The following EPHB3 variants were observed in gnomAD, a reference collection of about 807,000 sequenced individuals.
The protein encoded by EPHB3 is EPH receptor B3.
A neutral mutation model predicts 100.2 loss-of-function variants in EPHB3; 33 were observed. The ratio of observed to expected loss-of-function variants is 0.33; its 90% CI spans 0.25 to 0.44. The LOEUF is 0.44. EPHB3 is among the 20% of genes least tolerant of loss of function. The pLI, the probability that EPHB3 is intolerant of heterozygous loss-of-function variation, is 1.00. For missense variants in EPHB3, 1,045 were observed against 1,378.3 expected, an observed-to-expected ratio of 0.76 and a Z score of 3.83; for synonymous variants, 526 against 554.7, an observed-to-expected ratio of 0.95 and a Z score of 0.73.
chr3:184,581,410 T>A lies in EPHB3; in HGVS notation c.2888+2T>A. 1 of 1,582,984 alleles carries A rather than the reference T, an allele frequency of 6.3e-7. No homozygotes were observed. The highest frequency in any genetic ancestry group is 8.6e-7 in the Non-Finnish European group (1 of 1,163,374). On this transcript the variant is annotated splice_donor_variant, in intron 15 of 15. Coordinates refer to ENST00000330394, the MANE Select transcript of EPHB3 (RefSeq NM_004443.4). LOFTEE classifies it high-confidence loss of function. ...CCTGGTGGCCCAGATGACGGCAGAG[T>A]AAGTGTGCCTCAGATTTGGAGGAGC...
chr3:184,572,879 G>T lies in EPHB3; in HGVS notation c.559G>T (p.Ala187Ser), dbSNP rs759675909. The T allele has an allele frequency of 6.4e-7, 1 of 1,560,982 alleles. No individual in the cohort carries two copies. The highest frequency in any genetic ancestry group is 8.7e-7 in the Non-Finnish European group (1 of 1,154,102). The change falls in exon 3 of 16, where the codon GCT becomes TCT. Residue 187 changes from alanine (A) to serine (S), a missense_variant. Coordinates refer to ENST00000330394, the MANE Select transcript of EPHB3 (RefSeq NM_004443.4). The surrounding 1 kb of genome is among the most constrained non-coding windows in gnomAD (Gnocchi z 6.6). ...KVRSFGPLSK[A>S]GFYLAFQDQG... ...GCGCAGCTTTGGGCCACTTTCCAAG[G>T]CTGGCTTCTACCTGGCCTTCCAGGA...
rs1714297021 is a variant in EPHB3, at chr3:184,563,018, A to T, written c.118+665A>T. On this transcript the variant is annotated intron_variant, in intron 1 of 15. Transcript: ENST00000330394. This position sits in a 1 kb window ranked among gnomAD's most constrained non-coding sequence, Gnocchi z 4.1. ...CCCCTGAAGTTGCGGGATTTGCCCC[A>T]GGTAGCAGCAGAGCCCGGCGCCTTC... Among the ~76,000 whole-genome samples the T allele has an allele frequency of 6.6e-6, 1 of 152,218 alleles. No homozygotes were observed.
At position 184,581,537 on chromosome 3, in the gene EPHB3, C is replaced by A; in HGVS notation, c.2912C>A (p.Thr971Asn). 1 of 1,613,870 alleles carries A rather than the reference C, an allele frequency of 6.2e-7. No homozygotes were observed. The highest frequency in any genetic ancestry group is 8.5e-7 in the Non-Finnish European group (1 of 1,179,912). ...AGAGACCTGCTCCGTATTGGGGTCA[C>A]CCTGGCCGGCCACCAGAAGAAGATC... ...TAEDLLRIGV[T>N]LAGHQKKILS... The change falls in exon 16 of 16, where the codon ACC becomes AAC. Residue 971 changes from threonine to asparagine, a missense_variant. This residue lies in a region of EPHB3 where 985 missense variants were observed against 1,331.1 expected (regional missense o/e 0.74). Transcript: ENST00000330394.
intron 1 of EPHB3, among the ~76,000 whole-genome samples, chr3:184,570,568 G>A (rs1488499075): frequency 2.6e-5 from 4 of 152,246 alleles, no homozygotes; most frequent in Non-Finnish European, 5.9e-5. Context: ...TGCTGCGTGG[G>A]AGCTGGCTCT....
At position 184,576,872 on chromosome 3, in the gene EPHB3, C is replaced by G; in HGVS notation, c.1043C>G (p.Ser348Cys). The G allele has an allele frequency of 1.3e-6, 2 of 1,557,434 alleles. No individual in the cohort carries two copies. Among genetic ancestry groups the G allele is most frequent in the South Asian group, 2.5e-5 (2 of 81,344 alleles). The change falls in exon 5 of 16, where the codon TCC becomes TGC. Residue 348 changes from serine to cysteine, a missense_variant. Ser to Cys is a moderately radical substitution (Grantham distance 112). This residue lies in a region of EPHB3 where 985 missense variants were observed against 1,331.1 expected (regional missense o/e 0.74). Coordinates refer to ENST00000330394, the MANE Select transcript of EPHB3 (RefSeq NM_004443.4). ...CCATCTCCACCCCGAGGTGTGATCT[C>G]CAATGTGAATGAAACCTCACTGATC... The part of the protein sequence containing the change: ...TVPSPPRGVI[S>C]NVNETSLILE...
rs776518476 is a variant in EPHB3, at chr3:184,562,342, G to C, written c.107G>C (p.Arg36Pro). Reference sequence around the variant, plus strand: ...CTGCTGCTGCTGCCCGCCGGCTGCCGGGCGCTGGAAGGTGAGCGGCGTCGG... The same window carrying C: ...CTGCTGCTGCTGCCCGCCGGCTGCCCGGCGCTGGAAGGTGAGCGGCGTCGG... ...LPLLLLPAGC[R>P]ALEETLMDTK... The change falls in exon 1 of 16, where the codon CGG becomes CCG. Residue 36 changes from arginine (R) to proline (P), a missense_variant. Transcript: ENST00000330394. This position sits in a 1 kb window ranked among gnomAD's most constrained non-coding sequence, Gnocchi z 4.8. 4.4e-5 allele frequency: 54 copies of C among 1,237,130 alleles called. No homozygotes were observed. Among genetic ancestry groups the C allele is most frequent in the Non-Finnish European group, 5.2e-5 (52 of 991,352 alleles). The allele number at this position is 1,237,130 out of a possible 1,614,324, so 76.6% of individuals were successfully genotyped here.
intron 1 of EPHB3, among the ~76,000 whole-genome samples, chr3:184,566,497 C>T (rs1714388796): frequency 6.6e-6 from 1 of 152,234 alleles, no homozygotes; most frequent in Non-Finnish European, 1.5e-5. Context: ...CATGCATCTT[C>T]TCCAGTCCCA....
Position 184,569,693 on chromosome 3 carries a change from C to T in EPHB3, c.119-1625C>T, listed in dbSNP as rs1714493911. ...TGCTGCCTGCAGCCCCTTTGCCTGACATGGCGGGGGGCTGGGGTCACAGCT... is the reference window on the plus strand; with the variant it reads ...TGCTGCCTGCAGCCCCTTTGCCTGATATGGCGGGGGGCTGGGGTCACAGCT... On this transcript the variant is annotated intron_variant, in intron 1 of 15. Coordinates refer to ENST00000330394, the MANE Select transcript of EPHB3 (RefSeq NM_004443.4). This position sits in a 1 kb window ranked among gnomAD's most constrained non-coding sequence, Gnocchi z 5.4. 6.6e-6 allele frequency among the ~76,000 whole-genome samples: 1 copy of T among 152,262 alleles called. No homozygotes were observed. The highest frequency in any genetic ancestry group is 2.1e-4 in the South Asian group (1 of 4,836).
rs1256715336 is a variant in EPHB3 at position 184,576,895 on chromosome 3, A to G, written c.1066A>G (p.Ile356Val). The G allele has an allele frequency of 1.9e-6, 3 of 1,576,404 alleles. No homozygotes were observed. The highest frequency in any genetic ancestry group is 2.6e-6 in the Non-Finnish European group (3 of 1,158,234). The change falls in exon 5 of 16, where the codon ATC (isoleucine) becomes GTC (valine). Residue 356 changes from isoleucine (I) to valine (V), a missense_variant. This residue lies in a region of EPHB3 where 985 missense variants were observed against 1,331.1 expected (regional missense o/e 0.74). Coordinates refer to ENST00000330394, the MANE Select transcript of EPHB3 (RefSeq NM_004443.4). ...CTCCAATGTGAATGAAACCTCACTG[A>G]TCCTCGAGTGGAGTGAGCCCCGGGA... is the stretch of plus-strand genomic sequence containing the variant. ...VISNVNETSLILEWSEPRDLG... is the reference protein window; with the variant it reads ...VISNVNETSLVLEWSEPRDLG...
Position 184,575,936 on chromosome 3 carries a change from CAATAACTT to C in EPHB3, c.964_971del (p.Asn322LeufsTer28). ...CAGCCGCCAGCATCTGCACCTGCCA[CAATAACTT>C]CTACCGTGCAGACTCGGACTCTGCG... On this transcript the variant is annotated frameshift_variant, in exon 4 of 16. Coordinates refer to ENST00000330394, the MANE Select transcript of EPHB3 (RefSeq NM_004443.4). LOFTEE classifies it high-confidence loss of function. 6.2e-7 allele frequency: 1 copy of C among 1,613,974 alleles called. No homozygotes were observed. Among genetic ancestry groups the C allele is most frequent in the South Asian group, 1.1e-5 (1 of 91,066 alleles).
At chr3:184,575,417 T>C (rs1714648932) in intron 3 of EPHB3, among the ~76,000 whole-genome samples, 1 of 152,204 alleles carries the variant, frequency 6.6e-6, no homozygotes. Flanking sequence ...TCCTCAGGAA[T>C]GATTTTTCTG....
In EPHB3 at chr3:184,580,015, C is replaced by T. The variant is rs79580589; in HGVS notation, c.2172+81C>T. On this transcript the variant is annotated intron_variant, in intron 11 of 15. Transcript: ENST00000330394. ...CATCCCCTCCCACAAGTCAGACAGC[C>T]CCTATTCAAGTCCATAAGCATTTAC... is the stretch of plus-strand genomic sequence containing the variant. 2,417 of 1,548,772 alleles carry T rather than the reference C, an allele frequency of 1.6e-3. 37 individuals are homozygous for T. In the African/African-American group the frequency reaches 0.03, roughly 19 times the overall value.
In EPHB3 at chr3:184,569,329, G is replaced by A. The variant is rs1053875706; in HGVS notation, c.119-1989G>A. 6.6e-6 allele frequency among the ~76,000 whole-genome samples: 1 copy of A among 152,086 alleles called. No homozygotes were observed. The highest frequency in any genetic ancestry group is 1.9e-4 in the East Asian group (1 of 5,150). On this transcript the variant is annotated intron_variant, in intron 1 of 15. Transcript: ENST00000330394. The surrounding 1 kb of genome is among the most constrained non-coding windows in gnomAD (Gnocchi z 5.4). ...CCTCCCTCTGTCCCTGTCTCCTCGG[G>A]CCTCCGCGTCTCTCGGTCTCCCTGT...
chr3:184,575,797 G>A (rs749795717), intron 3 of EPHB3, 33 bp from the exon 4 acceptor site: 18 of 1,557,458 alleles, frequency 1.2e-5, no homozygotes, highest in South Asian at 3.7e-5. Flanking sequence ...AGGGAAGGGA[G>A]GTGAGCCCCA....
In EPHB3 at chr3:184,572,249, A is replaced by G. The variant is rs980893479; in HGVS notation, c.184-255A>G. Among the ~76,000 whole-genome samples, 1 of 152,242 alleles carries G rather than the reference A, an allele frequency of 6.6e-6. No homozygotes were observed. The highest frequency in any genetic ancestry group is 1.5e-5 in the Non-Finnish European group (1 of 68,040). On this transcript the variant is annotated intron_variant, in intron 2 of 15. Transcript: ENST00000330394. The surrounding 1 kb of genome is among the most constrained non-coding windows in gnomAD (Gnocchi z 6.6). Reference sequence around the variant, plus strand: ...CCTGTCCTAAATGCTTTATTCAGTTAAAGTCATTATTCCTTACACATCTTT... The same window carrying G: ...CCTGTCCTAAATGCTTTATTCAGTTGAAGTCATTATTCCTTACACATCTTT...
In EPHB3 at chr3:184,580,819, G is replaced by T; in HGVS notation, c.2479G>T (p.Val827Phe). ...TAGTGATGTCTGGAGCTACGGAATT[G>T]TCATGTGGGAGGTCATGAGCTATGG... Reference protein sequence around the residue: ...SASDVWSYGIVMWEVMSYGER... With the variant: ...SASDVWSYGIFMWEVMSYGER... Residue 827 changes from valine to phenylalanine, a missense_variant, in exon 13 of 16, where the codon GTC becomes TTC. Val to Phe is a conservative substitution (Grantham distance 50, BLOSUM62 -1). Transcript: ENST00000330394. 2 of 1,614,226 alleles carry T rather than the reference G, an allele frequency of 1.2e-6. No homozygotes were observed. Among genetic ancestry groups the T allele is most frequent in the South Asian group, 2.2e-5 (2 of 91,086 alleles).
At chr3:184,581,197 C>A in intron 14 of EPHB3, 32 bp downstream of exon 14, 1 of 1,609,824 alleles carries the variant, frequency 6.2e-7, no homozygotes, top group Non-Finnish European at 8.5e-7. Context: ...CCCGCCAAGC[C>A]AGTAGCCCTA....
At position 184,572,090 on chromosome 3, in the gene EPHB3, T is replaced by C. The variant is rs976490581; in HGVS notation, c.184-414T>C. Reference sequence around the variant, plus strand: ...AGTGCTTGCACTGCTACAAGCCCATTACATTTATTAGCCTGATTTAATTCC... The same window carrying C: ...AGTGCTTGCACTGCTACAAGCCCATCACATTTATTAGCCTGATTTAATTCC... On this transcript the variant is annotated intron_variant, in intron 2 of 15. Transcript: ENST00000330394. This position sits in a 1 kb window ranked among gnomAD's most constrained non-coding sequence, Gnocchi z 6.6. 6.6e-6 allele frequency among the ~76,000 whole-genome samples: 1 copy of C among 152,214 alleles called. No individual in the cohort carries two copies. The highest frequency in any genetic ancestry group is 1.5e-5 in the Non-Finnish European group (1 of 68,042).
chr3:184,575,464 G>A (rs990080575), intron 3 of EPHB3, among the ~76,000 whole-genome samples: 9 of 152,094 alleles, frequency 5.9e-5, no homozygotes, highest in Admixed American at 2.6e-4. Flanking sequence ...CCACAGTGCC[G>A]GGTGCTGCTA....
Sources: gnomAD v4.1 joint callset for allele counts (sites outside exome capture counted in the v4.1 genomes callset) on GRCh38, gnomAD v4.1.1 for gene constraint, gnomAD v4.1.1 regional missense constraint, Gnocchi (gnomAD v3.1) non-coding constraint, MANE v1.5 for transcripts, NCBI Gene and HGNC (gene_info 2026-07-23, HGNC 2026-07-21) for gene names.